PSME3IP1: variants seen among roughly 807,000 people sequenced by gnomAD.
PSME3IP1 encodes proteasome activator subunit 3 interacting protein 1, also known as PSME3-interacting protein.
A neutral mutation model predicts 34.1 loss-of-function variants in PSME3IP1; 13 were observed. That is an observed-to-expected ratio of 0.38 (90% CI 0.25 to 0.61). PSME3IP1 has a LOEUF of 0.61. Among genes scored for constraint, PSME3IP1 ranks in the 20% least tolerant of loss-of-function variants. PSME3IP1 has a pLI of 0.60. For synonymous variants in PSME3IP1, 93 were observed against 114.3 expected (o/e 0.81, Z 1.19); for missense variants, 237 against 301.4 (o/e 0.79, Z 1.58).
intron 4 of PSME3IP1, among the ~76,000 whole-genome samples, chr16:57,171,360 C>T (rs1173456326): frequency 6.6e-6 from 1 of 152,142 alleles, no homozygotes; most frequent in Non-Finnish European, 1.5e-5. Context: ...AATGTAGAAC[C>T]TTCTACGGCC....
intron 1 of PSME3IP1, among the ~76,000 whole-genome samples, chr16:57,180,681 A>T (rs978547376): frequency 2.0e-5 from 3 of 152,264 alleles, no homozygotes; most frequent in Non-Finnish European, 4.4e-5. Context: ...CCAAGGCAGG[A>T]TTGTTTGAGC....
chr16:57,153,125 T>C lies in PSME3IP1; in HGVS notation c.*1165A>G, dbSNP rs1166002538. On this transcript the variant is annotated 3_prime_UTR_variant, in exon 7 of 7. Coordinates refer to ENST00000309137, the MANE Select transcript of PSME3IP1 (RefSeq NM_024946.4). ...AGATTGTTGTCAAAGCTCATGTCTA[T>C]CTCTGTCCTCGAGGCCTCCACACCA... is the stretch of plus-strand genomic sequence containing the variant. The C allele has an allele frequency of 6.6e-6, 1 of 152,656 alleles. No individual in the cohort carries two copies. Among genetic ancestry groups the C allele is most frequent in the Non-Finnish European group, 1.5e-5 (1 of 68,050 alleles). The allele number at this position is 152,656 out of a possible 1,614,324, so 9.5% of individuals were successfully genotyped here.
At chr16:57,182,665 T>C (rs2073838996) in intron 1 of PSME3IP1, among the ~76,000 whole-genome samples, 2 of 130,740 alleles carry the variant, frequency 1.5e-5, no homozygotes, top group South Asian at 5.3e-4. Context: ...ACCCTAGCAC[T>C]CTGGGAGACT....
At chr16:57,177,621 G>T (rs1388178250) in intron 1 of PSME3IP1, among the ~76,000 whole-genome samples, 1 of 152,148 alleles carries the variant, frequency 6.6e-6, no homozygotes, top group Non-Finnish European at 1.5e-5. Flanking sequence ...TACAAGAAAT[G>T]TATTTCTCAT....
Position 57,164,070 on chromosome 16 carries a change from A to G in PSME3IP1, c.483-5T>C. 6.2e-7 allele frequency: 1 copy of G among 1,613,966 alleles called. No homozygotes were observed. Among genetic ancestry groups the G allele is most frequent in the East Asian group, 2.2e-5 (1 of 44,888 alleles). ...ACACTGTTGCCACTCTCTGAGCTGT[A>G]ACAAAACACATGGTGACTTGAGCCA... On this transcript the variant is annotated splice_region_variant and splice_polypyrimidine_tract_variant and intron_variant, in intron 5 of 6. Coordinates refer to ENST00000309137, the MANE Select transcript of PSME3IP1 (RefSeq NM_024946.4).
At chr16:57,163,522 A>G (rs1309888893) in intron 6 of PSME3IP1, among the ~76,000 whole-genome samples, 3 of 152,184 alleles carry the variant, frequency 2.0e-5, no homozygotes, top group Admixed American at 6.5e-5. Flanking sequence ...GCCTCTTAAT[A>G]CAGAGGCAGA....
At chr16:57,171,220 A>C (rs1222597413) in intron 4 of PSME3IP1, among the ~76,000 whole-genome samples, 1 of 152,192 alleles carries the variant, frequency 6.6e-6, no homozygotes, top group African/African-American at 2.4e-5. Context: ...GGAAACAGCA[A>C]GTCTGAGGCC....
chr16:57,185,355 C>T (rs1377308590), intron 1 of PSME3IP1, among the ~76,000 whole-genome samples: 2 of 152,188 alleles, frequency 1.3e-5, no homozygotes, highest in Non-Finnish European at 2.9e-5. Flanking sequence ...GCTTGTTTTC[C>T]GTAATAGAAA....
At chr16:57,178,411 C>A (rs1221267427) in intron 1 of PSME3IP1, 3 of 318,702 alleles carry the variant, frequency 9.4e-6, no homozygotes, top group East Asian at 1.7e-4. Context: ...TGTGTTTTAT[C>A]ATCTGTGACT....
At chr16:57,165,127 C>T (rs1344015047) in intron 5 of PSME3IP1, among the ~76,000 whole-genome samples, 2 of 150,734 alleles carry the variant, frequency 1.3e-5, no homozygotes, top group African/African-American at 4.9e-5. Context: ...AAAAGAGAAA[C>T]ATATTTTGCA....
chr16:57,172,261 T>C lies in PSME3IP1; in HGVS notation c.338A>G (p.Lys113Arg). Residue 113 changes from lysine (K) to arginine (R), a missense_variant, in exon 4 of 7, where the codon AAG (lysine) becomes AGG (arginine). Transcript: ENST00000309137. Reference sequence around the variant, plus strand: ...AAGTACAAAGGATATTCTGTATTCCTTCAGTTCTTTCAGTTCTTCTTCTCT... The same window carrying C: ...AAGTACAAAGGATATTCTGTATTCCCTCAGTTCTTTCAGTTCTTCTTCTCT... Reference protein sequence around the residue: ...QRREEELKELKEYRNNLKKVG... With the variant: ...QRREEELKELREYRNNLKKVG... The C allele has an allele frequency of 1.2e-6, 2 of 1,613,024 alleles. No homozygotes were observed. Among genetic ancestry groups the C allele is most frequent in the Non-Finnish European group, 1.7e-6 (2 of 1,179,970 alleles).
intron 6 of PSME3IP1, among the ~76,000 whole-genome samples, chr16:57,157,330 A>AG (rs201692512): frequency 0.025 from 3,790 of 148,692 alleles, 179 homozygotes; most frequent in East Asian, 0.18. Context: ...AAAAAAAAAA[A>AG]AAGAAGAAGA....
intron 6 of PSME3IP1, among the ~76,000 whole-genome samples, chr16:57,155,672 G>A (rs962178061): frequency 4.6e-5 from 7 of 152,070 alleles, no homozygotes; most frequent in African/African-American, 1.4e-4. Flanking sequence ...GTGTGGTGAC[G>A]CGTGCCTGTA....
intron 1 of PSME3IP1, chr16:57,174,304 A>C (rs1219146088): frequency 4.4e-6 from 2 of 456,590 alleles, no homozygotes; most frequent in African/African-American, 2.1e-5. Flanking sequence ...AAAAAAAAAA[A>C]AAACTCTCAA....
chr16:57,164,742 T>C (rs955437167), intron 5 of PSME3IP1, among the ~76,000 whole-genome samples: 2 of 152,116 alleles, frequency 1.3e-5, no homozygotes, highest in Admixed American at 6.5e-5. Context: ...TTAAGACTTA[T>C]GTGGGAGGCC....
intron 1 of PSME3IP1, chr16:57,178,756 C>T (rs1254605893): frequency 6.1e-6 from 6 of 984,940 alleles, no homozygotes; most frequent in South Asian, 4.7e-5. Context: ...TGCTACTTTC[C>T]GTTAATTTCA....
intron 5 of PSME3IP1, among the ~76,000 whole-genome samples, chr16:57,165,450 T>C (rs2071753860): frequency 2.0e-5 from 3 of 152,088 alleles, no homozygotes; most frequent in Admixed American, 6.6e-5. Context: ...TAACAATAAA[T>C]AAAAGAATAA....
chr16:57,162,675 A>T (rs969742177), intron 6 of PSME3IP1, among the ~76,000 whole-genome samples: 3 of 152,086 alleles, frequency 2.0e-5, no homozygotes, highest in Admixed American at 2.0e-4. Context: ...AAAAAAAAAA[A>T]AAAAAAAAAT....
chr16:57,166,136 G>T (rs570646512), intron 5 of PSME3IP1, among the ~76,000 whole-genome samples: 12 of 152,314 alleles, frequency 7.9e-5, no homozygotes, highest in Admixed American at 6.5e-4. Context: ...TGCAGCAGAT[G>T]GGTGGTGTGC....
Sources: gnomAD v4.1 joint callset for allele counts (sites outside exome capture counted in the v4.1 genomes callset) on GRCh38, gnomAD v4.1.1 for gene constraint, MANE v1.5 for transcripts, NCBI Gene and HGNC (gene_info 2026-07-23, HGNC 2026-07-21) for gene names.